Variants in EFR3B observed in about 807,000 individuals in gnomAD.
The protein encoded by EFR3B is EFR3 homolog B.
Under a neutral mutation model 104.7 loss-of-function variants are expected in EFR3B, and 64 were observed. The ratio of observed to expected loss-of-function variants is 0.61; its 90% CI spans 0.50 to 0.75. EFR3B has a LOEUF of 0.75. Among genes scored for constraint, EFR3B ranks in the 30% least tolerant of loss-of-function variants. The pLI, the probability that EFR3B is intolerant of heterozygous loss-of-function variation, is 0.00. For missense variants in EFR3B, 750 were observed against 1,078.5 expected, an observed-to-expected ratio of 0.70 and a Z score of 4.27; for synonymous variants, 385 against 417.9, an observed-to-expected ratio of 0.92 and a Z score of 0.96.
At chr2:25,133,804 C>T (rs531546083) in intron 12 of EFR3B, among the ~76,000 whole-genome samples, 11 of 152,324 alleles carry the variant, frequency 7.2e-5, no homozygotes, top group East Asian at 3.9e-4. Context: ...TTTGCCAGCA[C>T]GTGTTCTTGG....
intron 1 of EFR3B, among the ~76,000 whole-genome samples, chr2:25,054,175 C>T (rs1667957493): frequency 6.6e-6 from 1 of 152,172 alleles, no homozygotes; most frequent in African/African-American, 2.4e-5. Flanking sequence ...TCCCTGAGCT[C>T]ATTCCTCCCC....
At chr2:25,106,361 C>A (rs1669563319) in intron 4 of EFR3B, among the ~76,000 whole-genome samples, 2 of 152,032 alleles carry the variant, frequency 1.3e-5, no homozygotes, top group Non-Finnish European at 2.9e-5. Flanking sequence ...ATGATCTCGG[C>A]TCACTGCAAC....
chr2:25,148,643 C>T (rs933946304), intron 19 of EFR3B, among the ~76,000 whole-genome samples: 1 of 151,494 alleles, frequency 6.6e-6, no homozygotes, highest in East Asian at 2.0e-4. Flanking sequence ...TCAGAACTGG[C>T]CGGGCGCGGT....
intron 5 of EFR3B, among the ~76,000 whole-genome samples, chr2:25,124,279 TG>T (rs1433743410): frequency 1.3e-4 from 2 of 15,564 alleles, no homozygotes; most frequent in Non-Finnish European, 2.0e-4. Context: ...TGCATGCAAG[TG>T]TGTGTGTGTG....
intron 1 of EFR3B, among the ~76,000 whole-genome samples, chr2:25,052,801 C>T (rs1424880036): frequency 6.6e-6 from 1 of 150,840 alleles, no homozygotes; most frequent in Non-Finnish European, 1.5e-5. Context: ...CTTTGCCCAG[C>T]CTGTGCCAGG....
chr2:25,153,619 A>G (rs1573243268), intron 21 of EFR3B, 93 bp from the exon 22 acceptor site: 5 of 1,283,630 alleles, frequency 3.9e-6, no homozygotes, highest in Non-Finnish European at 2.2e-6. Flanking sequence ...GCTGCCCTGT[A>G]CCTCCAGCGT....
intron 1 of EFR3B, chr2:25,081,117 G>C: frequency 1.4e-6 from 1 of 691,052 alleles, no homozygotes; most frequent in Non-Finnish European, 2.6e-6. Context: ...TTCTCCCCTA[G>C]GGTATTTTCG....
intron 1 of EFR3B, among the ~76,000 whole-genome samples, chr2:25,082,603 T>C (rs1387361325): frequency 6.6e-6 from 1 of 152,218 alleles, no homozygotes; most frequent in African/African-American, 2.4e-5. Flanking sequence ...TTGAAATTAC[T>C]GACCTTGAAA....
rs1668752758 is a variant in EFR3B, at chr2:25,080,161, A to AT, written c.8-11163dup. 17 of 1,394,718 alleles carry AT rather than the reference A, an allele frequency of 1.2e-5. No individual in the cohort carries two copies. The Admixed American group carries it at 2.9e-4, about 24-fold the overall frequency. 86.4% of individuals were successfully genotyped at this position (1,394,718 alleles called of 1,614,324 possible). A position where few individuals can be genotyped will look rare whatever the true frequency, so the allele number is the denominator to read the frequency against. On this transcript the variant is annotated intron_variant, in intron 1 of 22. Coordinates refer to ENST00000403714, the MANE Select transcript of EFR3B (RefSeq NM_014971.2). Reference sequence around the variant, plus strand: ...ATCACAGTGCATGATTCTTCAAAAAATGTTGATCAGAATAGCCAGTACCTT... The same window carrying AT: ...ATCACAGTGCATGATTCTTCAAAAAATTGTTGATCAGAATAGCCAGTACCTT...
In EFR3B at chr2:25,095,285, T is replaced by C. The variant is rs995990489; in HGVS notation, c.212+2155T>C. 1.1e-4 allele frequency among the ~76,000 whole-genome samples: 17 copies of C among 152,226 alleles called. 1 individual carries two copies. Among genetic ancestry groups the C allele is most frequent in the African/African-American group, 3.9e-4 (16 of 41,456 alleles). On this transcript the variant is annotated intron_variant, in intron 3 of 22. Coordinates refer to ENST00000403714, the MANE Select transcript of EFR3B (RefSeq NM_014971.2). ...GTTTATAAAGATACTTTCCATGTAATTTGAAAAATGCTTTAAGTAAATGAA... is the reference window on the plus strand; with the variant it reads ...GTTTATAAAGATACTTTCCATGTAACTTGAAAAATGCTTTAAGTAAATGAA...
chr2:25,115,509 TAATG>T (rs902003364), intron 4 of EFR3B, among the ~76,000 whole-genome samples: 21 of 152,230 alleles, frequency 1.4e-4, no homozygotes, highest in Admixed American at 1.2e-3. Context: ...TCGTATCAGA[TAATG>T]GATGTTGTGA....
At chr2:25,152,397 C>T (rs1437499669) in intron 21 of EFR3B, among the ~76,000 whole-genome samples, 2 of 152,222 alleles carry the variant, frequency 1.3e-5, no homozygotes, top group African/African-American at 2.4e-5. Context: ...CGGATGACAG[C>T]TTCTTCTATT....
At chr2:25,078,718 G>A (rs914228178) in intron 1 of EFR3B, among the ~76,000 whole-genome samples, 2 of 152,176 alleles carry the variant, frequency 1.3e-5, no homozygotes, top group Non-Finnish European at 2.9e-5. Flanking sequence ...AGTGGGAGAA[G>A]ATTATATAAG....
chr2:25,127,380 G>C (rs186109243), intron 5 of EFR3B, among the ~76,000 whole-genome samples: 5 of 151,890 alleles, frequency 3.3e-5, no homozygotes, highest in African/African-American at 1.2e-4. Flanking sequence ...ATATGCAATA[G>C]GTTCTTAATT....
intron 1 of EFR3B, among the ~76,000 whole-genome samples, chr2:25,055,725 G>C (rs1166762544): frequency 6.6e-6 from 1 of 152,154 alleles, no homozygotes; most frequent in Non-Finnish European, 1.5e-5. Flanking sequence ...AGAAAGGAAC[G>C]ACTTACAATG....
chr2:25,116,347 G>A (rs1669858683), intron 4 of EFR3B, among the ~76,000 whole-genome samples: 1 of 152,186 alleles, frequency 6.6e-6, no homozygotes, highest in African/African-American at 2.4e-5. Flanking sequence ...AAACAGGCCA[G>A]GTGCGGTGGC....
intron 1 of EFR3B, among the ~76,000 whole-genome samples, chr2:25,048,697 A>G (rs1019161808): frequency 6.6e-6 from 1 of 152,268 alleles, no homozygotes; most frequent in Admixed American, 6.5e-5. Flanking sequence ...ATGATTATAT[A>G]TGAATATCAT....
chr2:25,074,823 G>A (rs929568041), intron 1 of EFR3B, among the ~76,000 whole-genome samples: 1 of 151,916 alleles, frequency 6.6e-6, no homozygotes, highest in Non-Finnish European at 1.5e-5. Context: ...TACCATGTTC[G>A]CCAGACTGGT....
intron 5 of EFR3B, among the ~76,000 whole-genome samples, chr2:25,124,029 G>A (rs1227271546): frequency 6.6e-6 from 1 of 152,162 alleles, no homozygotes; most frequent in Non-Finnish European, 1.5e-5. Flanking sequence ...ATCTTCTGGT[G>A]TCAATTTTCT....
Sources: allele counts gnomAD v4.1 joint callset (sites outside exome capture counted in the v4.1 genomes callset), GRCh38; gene constraint gnomAD v4.1.1; transcripts MANE v1.5; gene names NCBI Gene and HGNC (gene_info 2026-07-23, HGNC 2026-07-21).